The following RAB10 variants were observed in gnomAD, a reference collection of about 807,000 sequenced individuals.
RAB10 encodes the protein ras-related protein Rab-10.
RAB10 carries 5 observed loss-of-function variants against 25.7 expected under a neutral mutation model. The ratio of observed to expected loss-of-function variants is 0.19; its 90% confidence interval spans 0.10 to 0.41. The LOEUF is 0.41. Among genes scored for constraint, RAB10 ranks in the 10% least tolerant of loss-of-function variants. RAB10 has a pLI of 1.00. For missense variants in RAB10, 103 were observed against 245.8 expected, an observed-to-expected ratio of 0.42 and a Z score of 3.89; for synonymous variants, 89 against 86.4, an observed-to-expected ratio of 1.03 and a Z score of -0.16.
At chr2:26,125,405 A>G (rs1667884622) in intron 3 of RAB10, among the ~76,000 whole-genome samples, 1 of 149,278 alleles carries the variant, frequency 6.7e-6, no homozygotes, top group African/African-American at 2.5e-5. Context: ...ATCTTCTTTG[A>G]AGAAATGTCT....
intron 2 of RAB10, among the ~76,000 whole-genome samples, chr2:26,108,881 A>T (rs557403787): frequency 0.19 from 1,179 of 6,368 alleles, 17 homozygotes; most frequent in African/African-American, 0.45. Flanking sequence ...TTTGCTTTAT[A>T]TTTATTTATT....
chr2:26,074,665 C>T (rs909591526), intron 1 of RAB10, among the ~76,000 whole-genome samples: 19 of 152,320 alleles, frequency 1.2e-4, no homozygotes, highest in African/African-American at 4.6e-4. Context: ...GTGATCCACC[C>T]GCCTTGGTCT....
At chr2:26,057,685 C>T (rs1005874505) in intron 1 of RAB10, among the ~76,000 whole-genome samples, 7 of 151,824 alleles carry the variant, frequency 4.6e-5, no homozygotes, top group African/African-American at 1.5e-4. Flanking sequence ...TGCAGTGACG[C>T]GATCGCTGCT....
At chr2:26,086,254 C>G (rs1006157894) in intron 1 of RAB10, among the ~76,000 whole-genome samples, 3 of 152,132 alleles carry the variant, frequency 2.0e-5, no homozygotes, top group Non-Finnish European at 4.4e-5. Flanking sequence ...CCATTGTACT[C>G]CAGCCTGGGC....
At chr2:26,083,576 G>A (rs1396340244) in intron 1 of RAB10, among the ~76,000 whole-genome samples, 1 of 152,000 alleles carries the variant, frequency 6.6e-6, no homozygotes, top group Non-Finnish European at 1.5e-5. Flanking sequence ...CAATTCTTAT[G>A]CCACAGCCTC....
chr2:26,132,761 A>ACC (rs35277441), intron 5 of RAB10, among the ~76,000 whole-genome samples: 13,030 of 127,936 alleles, frequency 0.1, 699 homozygotes, highest in African/African-American at 0.12. Context: ...CGCAAGAGAT[A>ACC]CCCCCCCCCC....
chr2:26,076,663 G>T (rs946011408), intron 1 of RAB10, among the ~76,000 whole-genome samples: 16 of 152,238 alleles, frequency 1.1e-4, no homozygotes, highest in African/African-American at 3.9e-4. Flanking sequence ...GTCAAAAGAG[G>T]CCAGGCACGG....
chr2:26,099,195 G>A (rs1415978926), intron 2 of RAB10, among the ~76,000 whole-genome samples: 1 of 133,310 alleles, frequency 7.5e-6, no homozygotes, highest in African/African-American at 3.0e-5. Context: ...AATTATAATG[G>A]CAATATTTTC....
chr2:26,125,284 G>A (rs939901492), intron 3 of RAB10, among the ~76,000 whole-genome samples: 1 of 151,838 alleles, frequency 6.6e-6, no homozygotes, highest in Non-Finnish European at 1.5e-5. Flanking sequence ...TTTTTTAATA[G>A]TAGCCATACT....
intron 1 of RAB10, among the ~76,000 whole-genome samples, chr2:26,050,352 T>A (rs1267465550): frequency 1.3e-5 from 2 of 152,208 alleles, no homozygotes; most frequent in Non-Finnish European, 2.9e-5. Context: ...TGATTCTTTA[T>A]CCTTTATTTG....
chr2:26,047,674 G>A (rs570225993), intron 1 of RAB10, among the ~76,000 whole-genome samples: 152 of 149,158 alleles, frequency 1.0e-3, no homozygotes, highest in Middle Eastern at 7.3e-3. Context: ...TGCCTGCCTC[G>A]GCCTCCCAAA....
intron 1 of RAB10, among the ~76,000 whole-genome samples, chr2:26,052,068 A>C (rs1049261101): frequency 1.1e-4 from 17 of 149,874 alleles, no homozygotes; most frequent in East Asian, 1.0e-3. Flanking sequence ...AAAAAAAAAA[A>C]ACAAAAAGTC....
At chr2:26,084,442 A>G (rs1203589367) in intron 1 of RAB10, among the ~76,000 whole-genome samples, 1 of 152,222 alleles carries the variant, frequency 6.6e-6, no homozygotes, top group Non-Finnish European at 1.5e-5. Flanking sequence ...AGTGAATGAT[A>G]TCGCAATAAT....
intron 1 of RAB10, among the ~76,000 whole-genome samples, chr2:26,034,998 A>C (rs1387404368): frequency 6.6e-6 from 1 of 151,930 alleles, no homozygotes; most frequent in Non-Finnish European, 1.5e-5. Context: ...ATGTTCCAGA[A>C]CCTTATTTCT....
chr2:26,079,026 C>T (rs1025214656), intron 1 of RAB10, among the ~76,000 whole-genome samples: 8 of 152,034 alleles, frequency 5.3e-5, no homozygotes, highest in African/African-American at 1.7e-4. Flanking sequence ...GCCTCTACTA[C>T]AAATACAAAA....
rs1421601952 is a variant in RAB10 at position 26,136,636 on chromosome 2, A to G, written c.*1615A>G. On this transcript the variant is annotated 3_prime_UTR_variant, in exon 6 of 6. Coordinates refer to ENST00000264710, the MANE Select transcript of RAB10 (RefSeq NM_016131.5). ...CTTTGTTGAAAGAATTGTGAATAGCATGATTCATTTCTAGCAGAGGCTGAG... is the reference window on the plus strand; with the variant it reads ...CTTTGTTGAAAGAATTGTGAATAGCGTGATTCATTTCTAGCAGAGGCTGAG... 6.6e-6 allele frequency: 1 copy of G among 152,656 alleles called. No homozygotes were observed. Among genetic ancestry groups the G allele is most frequent in the Non-Finnish European group, 1.5e-5 (1 of 68,054 alleles). 9.5% of individuals were successfully genotyped at this position (152,656 alleles called of 1,614,324 possible).
intron 3 of RAB10, 55 bp downstream of exon 3, chr2:26,109,961 T>G: frequency 7.0e-7 from 1 of 1,424,288 alleles, no homozygotes; most frequent in Non-Finnish European, 9.4e-7. Context: ...TGTGCTTGGT[T>G]AGGAAGAATA....
chr2:26,090,933 C>T (rs567088633), intron 1 of RAB10, among the ~76,000 whole-genome samples: 71 of 71,742 alleles, frequency 9.9e-4, no homozygotes, highest in African/African-American at 3.3e-3. Context: ...GACCCTGTCT[C>T]CCCCCCCAAA....
chr2:26,076,805 G>A (rs375914678), intron 1 of RAB10, among the ~76,000 whole-genome samples: 2 of 151,830 alleles, frequency 1.3e-5, no homozygotes, highest in African/African-American at 2.4e-5. Context: ...TTAGCTGGGC[G>A]TGGTGGCAGG....
Sources: gnomAD v4.1 joint callset for allele counts (sites outside exome capture counted in the v4.1 genomes callset) on GRCh38, gnomAD v4.1.1 for gene constraint, MANE v1.5 for transcripts, NCBI Gene and HGNC (gene_info 2026-07-23, HGNC 2026-07-21) for gene names.